The following SUSD4 variants were observed in gnomAD, a reference collection of about 807,000 sequenced individuals.
The protein encoded by SUSD4 is sushi domain-containing protein 4.
A neutral mutation model predicts 50.5 loss-of-function variants in SUSD4; 41 were observed. The observed-to-expected ratio is 0.81, with a 90% CI of 0.63 to 1.05. The LOEUF (loss-of-function observed/expected upper bound fraction) is 1.05. Among genes scored for constraint, SUSD4 ranks in the 50% least tolerant of loss-of-function variants. SUSD4 has a pLI of 0.00. For synonymous variants in SUSD4, 257 were observed against 257.3 expected (o/e 1.00, Z 0.01); for missense variants, 580 against 634.7 (o/e 0.91, Z 0.93).
At chr1:223,330,073 A>T (rs1197373289) in intron 2 of SUSD4, among the ~76,000 whole-genome samples, 1 of 152,168 alleles carries the variant, frequency 6.6e-6, no homozygotes, top group Non-Finnish European at 1.5e-5. Context: ...GGAGGGAAGA[A>T]GGGACATTCT....
At chr1:223,331,701 A>C (rs1428221609) in intron 2 of SUSD4, among the ~76,000 whole-genome samples, 1 of 152,080 alleles carries the variant, frequency 6.6e-6, no homozygotes, top group Non-Finnish European at 1.5e-5. Flanking sequence ...AACTCATGGG[A>C]CCTTTTGTCC....
chr1:223,313,360 G>A (rs4661239), intron 2 of SUSD4, among the ~76,000 whole-genome samples: 82,114 of 151,956 alleles, frequency 0.54, 22,196 homozygotes, highest in African/African-American at 0.58. Flanking sequence ...AGTGATATAC[G>A]TGGATGTACC....
chr1:223,263,734 T>C (rs1662282616), intron 5 of SUSD4: 1 of 985,336 alleles, frequency 1.0e-6, no homozygotes, highest in Admixed American at 6.1e-5. Context: ...CGTCCTACCC[T>C]GACTTCCTCC....
At chr1:223,311,848 GGGCTTGCAT>G (rs1331875557) in intron 2 of SUSD4, among the ~76,000 whole-genome samples, 7 of 152,142 alleles carry the variant, frequency 4.6e-5, no homozygotes, top group African/African-American at 1.4e-4. Flanking sequence ...GGTGAAACAG[GGGCTTGCAT>G]TGTATCTGTC....
At chr1:223,252,882 G>A (rs1288744509) in intron 5 of SUSD4, among the ~76,000 whole-genome samples, 1 of 151,956 alleles carries the variant, frequency 6.6e-6, no homozygotes, top group Non-Finnish European at 1.5e-5. Context: ...CCTGAGGTCA[G>A]GAATTTGAGA....
intron 2 of SUSD4, among the ~76,000 whole-genome samples, chr1:223,355,452 C>G (rs1304501432): frequency 6.6e-6 from 1 of 152,116 alleles, no homozygotes; most frequent in Non-Finnish European, 1.5e-5. Flanking sequence ...CTCCTGGGCT[C>G]AAGTGATCCA....
intron 5 of SUSD4, among the ~76,000 whole-genome samples, chr1:223,261,827 T>C (rs1558191435): frequency 6.6e-6 from 1 of 152,234 alleles, no homozygotes; most frequent in Non-Finnish European, 1.5e-5. Context: ...AGACAAGTGA[T>C]TGACCACATA....
At chr1:223,251,676 A>G (rs1421710111) in intron 5 of SUSD4, among the ~76,000 whole-genome samples, 1 of 152,190 alleles carries the variant, frequency 6.6e-6, no homozygotes, top group African/African-American at 2.4e-5. Flanking sequence ...GGTTGGTTCC[A>G]AGTATTTGCT....
upstream of SUSD4, among the ~76,000 whole-genome samples, chr1:223,364,860 CGCCGAAGCTCT>C (rs1157731837): frequency 6.6e-6 from 1 of 152,194 alleles, no homozygotes; most frequent in Non-Finnish European, 1.5e-5. This position sits in a 1 kb window ranked among gnomAD's most constrained non-coding sequence, Gnocchi z 4.5. Context: ...CTCCCATCTC[CGCCGAAGCTCT>C]GCGCGTCCCC....
At chr1:223,263,754 G>A (rs954717680) in intron 5 of SUSD4, 5 of 985,270 alleles carry the variant, frequency 5.1e-6, no homozygotes, top group South Asian at 4.7e-5. Flanking sequence ...CCACACAGAG[G>A]TGCACACTTG....
At chr1:223,268,753 T>G in intron 3 of SUSD4, 78 bp from the exon 4 acceptor site, 1 of 1,466,048 alleles carries the variant, frequency 6.8e-7, no homozygotes. Flanking sequence ...AGAAAGCTCT[T>G]ATTTTCAGAC....
chr1:223,331,225 G>T lies in SUSD4; in HGVS notation c.148+32053C>A, dbSNP rs1430202051. ...TGCTCAGGATGGTGATGACTGCCAA[G>T]AATCAGAAGAGTAATAATCCTGACT... On this transcript the variant is annotated intron_variant, in intron 2 of 8. Coordinates refer to ENST00000366878, the MANE Select transcript of SUSD4 (RefSeq NM_017982.4). Among the ~76,000 whole-genome samples the T allele has an allele frequency of 2.6e-5, 4 of 152,204 alleles. No homozygotes were observed. The East Asian group carries it at 5.8e-4, about 22-fold the overall frequency.
chr1:223,232,249 T>C (rs889302479), intron 5 of SUSD4, among the ~76,000 whole-genome samples: 2 of 152,168 alleles, frequency 1.3e-5, no homozygotes, highest in Non-Finnish European at 2.9e-5. Flanking sequence ...TGATGTATAG[T>C]ATCCAGACTC....
intron 2 of SUSD4, among the ~76,000 whole-genome samples, chr1:223,322,658 G>T (rs113847852): frequency 1.9e-4 from 29 of 152,244 alleles, no homozygotes; most frequent in African/African-American, 6.5e-4. Context: ...GTGCATGTGT[G>T]TCTGTTGACA....
chr1:223,322,677 C>T (rs976016334), intron 2 of SUSD4, among the ~76,000 whole-genome samples: 1 of 151,810 alleles, frequency 6.6e-6, no homozygotes. Flanking sequence ...CATGTAGGTA[C>T]GTGTGTGTGT....
At position 223,224,862 on chromosome 1, in the gene SUSD4, C is replaced by CTTCTTTTTT. The variant is rs1239409764; in HGVS notation, c.1062-1232_1062-1231insAAAAAAGAA. Among the ~76,000 whole-genome samples, 258 of 59,320 alleles carry CTTCTTTTTT rather than the reference C, an allele frequency of 4.3e-3. 10 individuals carry two copies. The highest frequency in any genetic ancestry group is 0.017 in the African/African-American group (236 of 13,954). The allele number at this position is 59,320 out of a possible 152,430, so 38.9% of individuals were successfully genotyped here. On this transcript the variant is annotated intron_variant, in intron 7 of 8. Transcript: ENST00000366878. The stretch of plus-strand genomic sequence containing the variant: ...GTAGCCAATAGAACTTGGTTTCTTC[C>CTTCTTTTTT]TTTTTTTTTTTTTTTTTTTTTTTTT...
chr1:223,237,397 T>G (rs1290343825), intron 5 of SUSD4, among the ~76,000 whole-genome samples: 1 of 151,954 alleles, frequency 6.6e-6, no homozygotes, highest in Non-Finnish European at 1.5e-5. Flanking sequence ...TGAAACGGAG[T>G]GATGAGAAAG....
At chr1:223,240,204 A>G (rs148712516) in intron 5 of SUSD4, among the ~76,000 whole-genome samples, 1 of 151,762 alleles carries the variant, frequency 6.6e-6, no homozygotes, top group African/African-American at 2.4e-5. Flanking sequence ...CTTCTTTCAG[A>G]ATTTTTTTAT....
chr1:223,267,940 A>C (rs758738480), intron 4 of SUSD4, among the ~76,000 whole-genome samples: 4 of 148,682 alleles, frequency 2.7e-5, no homozygotes, highest in Non-Finnish European at 5.9e-5. Context: ...AAAAAAATGC[A>C]AGGGAATAAA....
Sources: allele counts gnomAD v4.1 joint callset (sites outside exome capture counted in the v4.1 genomes callset), GRCh38; gene constraint gnomAD v4.1.1; non-coding constraint Gnocchi (gnomAD v3.1); transcripts MANE v1.5; gene names NCBI Gene and HGNC (gene_info 2026-07-23, HGNC 2026-07-21).